Variants in RGS6 observed in about 807,000 individuals in gnomAD.
RGS6 encodes regulator of G protein signaling 6, also known as regulator of G-protein signaling 6.
A neutral mutation model predicts 78.5 loss-of-function variants in RGS6; 30 were observed. The ratio of observed to expected loss-of-function variants is 0.38; its 90% CI spans 0.29 to 0.52. The LOEUF (loss-of-function observed/expected upper bound fraction) is 0.52. RGS6 is among the 20% of genes least tolerant of loss of function. The pLI, the probability that RGS6 is intolerant of heterozygous loss-of-function variation, is 0.85. For synonymous variants in RGS6, 206 were observed against 206.0 expected, an observed-to-expected ratio of 1.00 and a Z score of 0.00; for missense variants, 495 against 609.7, an observed-to-expected ratio of 0.81 and a Z score of 1.98.
intron 2 of RGS6, among the ~76,000 whole-genome samples, chr14:72,280,009 T>C (rs1183580113): frequency 6.6e-6 from 1 of 152,210 alleles, no homozygotes; most frequent in Non-Finnish European, 1.5e-5. Flanking sequence ...TTTCTACTAC[T>C]ACAGGGTACT....
At chr14:72,037,460 A>C (rs2091879274) in intron 2 of RGS6, among the ~76,000 whole-genome samples, 1 of 152,286 alleles carries the variant, frequency 6.6e-6, no homozygotes, top group South Asian at 2.1e-4. Flanking sequence ...TGAAGGAACA[A>C]ACTCCAGACA....
intron 2 of RGS6, 143 bp downstream of exon 2, chr14:71,965,018 A>C (rs1421372295): frequency 5.8e-6 from 3 of 518,844 alleles, no homozygotes; most frequent in Non-Finnish European, 6.5e-6. Flanking sequence ...CTGGTTCTCT[A>C]GTTCTAAAAT....
At chr14:72,537,032 G>T (rs1284561051) in intron 16 of RGS6, among the ~76,000 whole-genome samples, 2 of 152,144 alleles carry the variant, frequency 1.3e-5, no homozygotes, top group African/African-American at 4.8e-5. Context: ...GTAGGCAGGA[G>T]AATAGGGTCC....
At chr14:72,250,423 A>T (rs2055441502) in intron 2 of RGS6, among the ~76,000 whole-genome samples, 1 of 136,412 alleles carries the variant, frequency 7.3e-6, no homozygotes, top group Non-Finnish European at 1.6e-5. Flanking sequence ...ACCCCAAGGG[A>T]TGTAAAAACA....
chr14:72,308,467 A>C (rs935753366), intron 2 of RGS6, among the ~76,000 whole-genome samples: 5 of 152,176 alleles, frequency 3.3e-5, no homozygotes, highest in Admixed American at 1.3e-4. Flanking sequence ...TTATCAGTAT[A>C]CTTGTCTTAA....
intron 12 of RGS6, among the ~76,000 whole-genome samples, chr14:72,484,338 G>A (rs1265951646): frequency 3.3e-5 from 5 of 152,172 alleles, no homozygotes; most frequent in Non-Finnish European, 7.3e-5. Flanking sequence ...TTCCTGGATA[G>A]TAGTTTCCCA....
At chr14:72,267,228 G>A (rs2059212679) in intron 2 of RGS6, among the ~76,000 whole-genome samples, 1 of 152,186 alleles carries the variant, frequency 6.6e-6, no homozygotes, top group Non-Finnish European at 1.5e-5. Context: ...TATGATTATA[G>A]GCATGAGCCA....
intron 2 of RGS6, among the ~76,000 whole-genome samples, chr14:71,965,101 C>G (rs566310301): frequency 1.3e-5 from 2 of 152,324 alleles, no homozygotes; most frequent in South Asian, 4.1e-4. Flanking sequence ...TTTCTTTAAA[C>G]CCAAAGGTTG....
At chr14:72,314,137 G>A (rs1189436095) in intron 2 of RGS6, among the ~76,000 whole-genome samples, 2 of 152,208 alleles carry the variant, frequency 1.3e-5, no homozygotes, top group Admixed American at 1.3e-4. Context: ...CATTGGAAAT[G>A]TTTTGTCTCC....
At chr14:72,425,924 A>G (rs2094416620) in intron 3 of RGS6, among the ~76,000 whole-genome samples, 1 of 152,206 alleles carries the variant, frequency 6.6e-6, no homozygotes, top group Non-Finnish European at 1.5e-5. Flanking sequence ...TAGAATATTA[A>G]AAATGAAGAA....
Position 72,118,433 on chromosome 14 carries a change from A to G in RGS6, c.84+153558A>G, listed in dbSNP as rs567837958. On this transcript the variant is annotated intron_variant, in intron 2 of 17. Coordinates refer to ENST00000553525, the MANE Select transcript of RGS6 (RefSeq NM_001204424.2). ...CCATTTATATTTGAATTACACAAGC[A>G]TGACCATTCATGCTCTTTACTCATA... Among the ~76,000 whole-genome samples the G allele has an allele frequency of 2.0e-5, 3 of 152,298 alleles. No individual in the cohort carries two copies. In the South Asian group the frequency reaches 6.2e-4, roughly 32 times the overall value.
At chr14:72,626,063 C>T in the RGS6 span, among the ~76,000 whole-genome samples, 1 of 152,192 alleles carries the variant, frequency 6.6e-6, no homozygotes. Context: ...TTCTTCCTCA[C>T]TCTTCGGTAT....
intron 2 of RGS6, among the ~76,000 whole-genome samples, chr14:72,259,973 T>C (rs1018772940): frequency 6.9e-5 from 10 of 145,700 alleles, no homozygotes; most frequent in African/African-American, 2.3e-4. Flanking sequence ...TAAAACAACC[T>C]CAACTTCCAA....
Position 72,516,333 on chromosome 14 carries a change from G to T in RGS6, c.1092-2018G>T, listed in dbSNP as rs574394848. On this transcript the variant is annotated intron_variant, in intron 14 of 17. Coordinates refer to ENST00000553525, the MANE Select transcript of RGS6 (RefSeq NM_001204424.2). The stretch of plus-strand genomic sequence containing the variant: ...CCCTACAGAACCTAGGGCAGGCCTG[G>T]GAGATGGAGGAGACCCATGCCCCAG... Among the ~76,000 whole-genome samples, 13 of 152,322 alleles carry T rather than the reference G, an allele frequency of 8.5e-5. No individual in the cohort carries two copies. In the South Asian group the frequency reaches 2.7e-3, roughly 32 times the overall value.
At chr14:71,878,249 C>T in the RGS6 span, among the ~76,000 whole-genome samples, 2 of 152,174 alleles carry the variant, frequency 1.3e-5, no homozygotes, top group Non-Finnish European at 2.9e-5. Context: ...TTTCTGATGC[C>T]TTTTATTCAG....
At chr14:72,197,862 T>G (rs1363981020) in intron 2 of RGS6, among the ~76,000 whole-genome samples, 6 of 152,256 alleles carry the variant, frequency 3.9e-5, no homozygotes, top group African/African-American at 1.4e-4. Flanking sequence ...CTAGAAGACT[T>G]TCTGGATCCT....
intron 6 of RGS6, among the ~76,000 whole-genome samples, chr14:72,462,035 C>T (rs569760482): frequency 1.3e-5 from 2 of 152,108 alleles, no homozygotes; most frequent in East Asian, 1.9e-4. Context: ...CTGAGGTGAC[C>T]GTCTCACCAG....
At chr14:72,582,775 G>A in the RGS6 span, among the ~76,000 whole-genome samples, 1 of 152,068 alleles carries the variant, frequency 6.6e-6, no homozygotes, top group Non-Finnish European at 1.5e-5. Context: ...CAATGACTAG[G>A]GGAATAATCA....
intron 2 of RGS6, among the ~76,000 whole-genome samples, chr14:72,054,339 T>C (rs2093501062): frequency 6.6e-6 from 1 of 152,194 alleles, no homozygotes; most frequent in South Asian, 2.1e-4. Flanking sequence ...CATCTTTGGC[T>C]GCAAAGGTGG....
Sources: gnomAD v4.1 joint callset for allele counts (sites outside exome capture counted in the v4.1 genomes callset) on GRCh38, gnomAD v4.1.1 for gene constraint, MANE v1.5 for transcripts, NCBI Gene and HGNC (gene_info 2026-07-23, HGNC 2026-07-21) for gene names.